Variants in LMNA observed in about 807,000 individuals in gnomAD.
LMNA encodes the protein lamin A/C, also known as lamin.
A neutral mutation model predicts 70.4 loss-of-function variants in LMNA; 20 were observed. The observed-to-expected ratio is 0.28, with a 90% CI of 0.20 to 0.41. The LOEUF is 0.41. Among genes scored for constraint, LMNA ranks in the 10% least tolerant of loss-of-function variants. The pLI, the probability that LMNA is intolerant of heterozygous loss-of-function variation, is 1.00. For synonymous variants in LMNA, 339 were observed against 372.8 expected (o/e 0.91, Z 1.04); for missense variants, 652 against 917.2 (o/e 0.71, Z 3.73).
Position 156,137,188 on chromosome 1 carries a change from T to C in LMNA, c.1564T>C (p.Cys522Arg), listed in dbSNP as rs1572366516. 1.9e-6 allele frequency: 3 copies of C among 1,608,208 alleles called. No individual in the cohort carries two copies. Among genetic ancestry groups the C allele is most frequent in the Non-Finnish European group, 2.5e-6 (3 of 1,177,800 alleles). The change falls in exon 9 of 12, where the codon TGC (cysteine) becomes CGC (arginine). Residue 522 changes from cysteine to arginine, a missense_variant. This residue lies in a region of LMNA where 327 missense variants were observed against 387.6 expected (regional missense o/e 0.84). Transcript: ENST00000368300. This position sits in a 1 kb window ranked among gnomAD's most constrained non-coding sequence, Gnocchi z 4.6. ...LVWKAQNTWGCGNSLRTALIN... is the reference protein window; with the variant it reads ...LVWKAQNTWGRGNSLRTALIN... ...GTGGAAGGCACAGAACACCTGGGGC[T>C]GCGGGAACAGCCTGCGTACGGCTCT...
In LMNA at chr1:156,134,824, G is replaced by A. The variant is rs780066296; in HGVS notation, c.659G>A (p.Arg220His). The change falls in exon 4 of 12, where the codon CGC (arginine) becomes CAC (histidine). Residue 220 changes from arginine (R) to histidine (H), a missense_variant. By Grantham distance (29) the Arg-to-His change is conservative. Transcript: ENST00000368300. The surrounding 1 kb of genome is among the most constrained non-coding windows in gnomAD (Gnocchi z 5.3). ...TTCCAGGAGCTGCGTGAGACCAAGC[G>A]CCGTCATGAGACCCGACTGGTGGAG... ...IYSEELRETK[R>H]RHETRLVEID... is the part of the protein sequence containing the mutation. The A allele has an allele frequency of 1.1e-5, 17 of 1,614,206 alleles. No homozygotes were observed. The highest frequency in any genetic ancestry group is 1.6e-4 in the Middle Eastern group (1 of 6,062).
In LMNA at chr1:156,140,070, T is replaced by C; in HGVS notation, c.*964T>C. The C allele has an allele frequency of 2.2e-6, 1 of 463,182 alleles. No individual in the cohort carries two copies. The highest frequency in any genetic ancestry group is 3.9e-6 in the Non-Finnish European group (1 of 259,242). The allele number at this position is 463,182 out of a possible 1,614,324, so 28.7% of individuals were successfully genotyped here. On this transcript the variant is annotated 3_prime_UTR_variant, in exon 12 of 12. Transcript: ENST00000368300. The stretch of plus-strand genomic sequence containing the variant: ...TTCTCTCCTCCCCAAATCAATACAC[T>C]AGTTGTTTCTACCCCTGGCTGCTGT...
chr1:156,134,336 T>C lies in LMNA; in HGVS notation c.514-67T>C. 1 of 1,584,066 alleles carries C rather than the reference T, an allele frequency of 6.3e-7. No homozygotes were observed. Among genetic ancestry groups the C allele is most frequent in the East Asian group, 2.3e-5 (1 of 44,140 alleles). On this transcript the variant is annotated intron_variant, in intron 2 of 11. Coordinates refer to ENST00000368300, the MANE Select transcript of LMNA (RefSeq NM_170707.4). The surrounding 1 kb of genome is among the most constrained non-coding windows in gnomAD (Gnocchi z 5.3). ...AGGGGTGCACAGGCAGCAGCCCACC[T>C]CTCAGCTTCCTTCCAGTTCTTGTGT...
chr1:156,129,530 G>A (rs928866953), intron 1 of LMNA, among the ~76,000 whole-genome samples: 1 of 152,096 alleles, frequency 6.6e-6, no homozygotes, highest in Non-Finnish European at 1.5e-5. Flanking sequence ...TTTTCCATCT[G>A]CTGTGGTGGG....
intron 3 of LMNA, among the ~76,000 whole-genome samples, chr1:156,107,912 C>T (rs941206982): frequency 1.3e-5 from 2 of 151,562 alleles, no homozygotes; most frequent in Non-Finnish European, 2.9e-5. Flanking sequence ...ATTACAGGTG[C>T]ATGCCACCAC....
chr1:156,139,242 A>ATT lies in LMNA; in HGVS notation c.*144_*145dup. On this transcript the variant is annotated 3_prime_UTR_variant, in exon 12 of 12. Transcript: ENST00000368300. The stretch of plus-strand genomic sequence containing the variant: ...TAACCCTTTGGTTTTTTTCTTCTGT[A>ATT]TTTTTTTTTCTAAGAGAAGTTATTT... The ATT allele has an allele frequency of 1.4e-6, 2 of 1,441,848 alleles. No homozygotes were observed. The highest frequency in any genetic ancestry group is 1.8e-6 in the Non-Finnish European group (2 of 1,102,004). 89.3% of individuals were successfully genotyped at this position (1,441,848 alleles called of 1,614,324 possible). A position where few individuals can be genotyped will look rare whatever the true frequency, so the allele number is the denominator to read the frequency against.
Position 156,136,791 on chromosome 1 carries a change from G to C in LMNA, c.1381-130G>C. On this transcript the variant is annotated intron_variant, in intron 7 of 11. Transcript: ENST00000368300. This position sits in a 1 kb window ranked among gnomAD's most constrained non-coding sequence, Gnocchi z 6.1. ...CTATTATCCCCGGGGGAAGGGCAGT[G>C]ACAGGGGTGTGTGTAGATGGAAGGA... The C allele has an allele frequency of 2.6e-6, 2 of 782,228 alleles. No individual in the cohort carries two copies. 48.5% of individuals were successfully genotyped at this position (782,228 alleles called of 1,614,324 possible).
intron 3 of LMNA, among the ~76,000 whole-genome samples, chr1:156,091,559 G>A (rs545755272): frequency 3.4e-4 from 52 of 152,166 alleles, no homozygotes; most frequent in African/African-American, 1.1e-3. Flanking sequence ...CCAAGATCGC[G>A]CCACTGCACT....
chr1:156,095,595 G>A (rs1308227364), intron 3 of LMNA, among the ~76,000 whole-genome samples: 2 of 151,448 alleles, frequency 1.3e-5, no homozygotes, highest in African/African-American at 4.9e-5. Flanking sequence ...GACCTCAGGT[G>A]ATCCACCCGC....
chr1:156,126,423 A>G, intron 1 of LMNA: 1 of 622,162 alleles, frequency 1.6e-6, no homozygotes, highest in Non-Finnish European at 2.9e-6. Context: ...CCGGGCCCAA[A>G]CAGGCCTGTG....
chr1:156,096,345 C>T (rs897954594), intron 3 of LMNA, among the ~76,000 whole-genome samples: 6 of 152,218 alleles, frequency 3.9e-5, no homozygotes, highest in South Asian at 4.1e-4. Flanking sequence ...CATCTCTGAA[C>T]CTGTTTTCCC....
Position 156,138,630 on chromosome 1 carries a change from G to A in LMNA, c.1841G>A (p.Gly614Asp). The A allele has an allele frequency of 6.2e-7, 1 of 1,613,324 alleles. No individual in the cohort carries two copies. Among genetic ancestry groups the A allele is most frequent in the Non-Finnish European group, 8.5e-7 (1 of 1,179,890 alleles). Residue 614 changes from glycine to aspartate, a missense_variant, in exon 11 of 12, where the codon GGC becomes GAC. By Grantham distance (94) the Gly-to-Asp change is moderately conservative (BLOSUM62 -1). Transcript: ENST00000368300. The surrounding 1 kb of genome is among the most constrained non-coding windows in gnomAD (Gnocchi z 5.5). ...CAGGTGGGCGGACCCATCTCCTCTG[G>A]CTCTTCTGCCTCCAGTGTCACGGTC... ...GAQVGGPISS[G>D]SSASSVTVTR...
At position 156,136,316 on chromosome 1, in the gene LMNA, A is replaced by G. The variant is rs1651624482; in HGVS notation, c.1260A>G (p.Lys420=). 1.2e-6 allele frequency: 2 copies of G among 1,612,034 alleles called. No homozygotes were observed. Among genetic ancestry groups the G allele is most frequent in the African/African-American group, 1.3e-5 (1 of 74,862 alleles). Reference sequence around the variant, plus strand: ...GGGGCAGCGTCACCAAAAAGCGCAAACTGGAGTCCACTGAGAGCCGCAGCA... The same window carrying G: ...GGGGCAGCGTCACCAAAAAGCGCAAGCTGGAGTCCACTGAGAGCCGCAGCA... The part of the protein sequence containing the change: ...QGGGSVTKKR[K]LESTESRSSF... The change falls in exon 7 of 12, where the codon AAA becomes AAG. Residue 420 remains lysine (K), a synonymous_variant. Coordinates refer to ENST00000368300, the MANE Select transcript of LMNA (RefSeq NM_170707.4). This position sits in a 1 kb window ranked among gnomAD's most constrained non-coding sequence, Gnocchi z 6.1.
At chr1:156,110,869 T>C (rs906758102), upstream of LMNA, among the ~76,000 whole-genome samples, 26 of 151,682 alleles carry the variant, frequency 1.7e-4, no homozygotes, top group African/African-American at 6.3e-4. Context: ...CCAGCAACCC[T>C]TGAGGCTGAG....
chr1:156,107,725 G>C (rs1465695684), intron 3 of LMNA, among the ~76,000 whole-genome samples: 1 of 152,154 alleles, frequency 6.6e-6, no homozygotes, highest in Non-Finnish European at 1.5e-5. Flanking sequence ...CCCCCTTGCT[G>C]AGCCTGAGAA....
chr1:156,084,327 T>TTGGGGGG (rs1558104047), intron 2 of LMNA, among the ~76,000 whole-genome samples: 1 of 5,768 alleles, frequency 1.7e-4, no homozygotes, highest in Non-Finnish European at 3.1e-4. Flanking sequence ...TCTCAGAAGG[T>TTGGGGGG]CGGGGGGTGG....
At chr1:156,106,796 C>T (rs1649368143) in intron 3 of LMNA, 1 of 152,236 alleles carries the variant, frequency 6.6e-6, no homozygotes, top group African/African-American at 2.4e-5. Context: ...GCCTGCTGCC[C>T]GATTTCTATT....
chr1:156,130,724 A>C lies in LMNA; in HGVS notation c.464A>C (p.Lys155Thr), dbSNP rs775448051. The C allele has an allele frequency of 6.2e-7, 1 of 1,611,268 alleles. No homozygotes were observed. The highest frequency in any genetic ancestry group is 1.1e-5 in the South Asian group (1 of 90,680). The change falls in exon 2 of 12, where the codon AAG becomes ACG. Residue 155 changes from lysine to threonine, a missense_variant. Lys to Thr is a moderately conservative substitution (Grantham distance 78). This residue lies in a region of LMNA where 254 missense variants were observed against 421.9 expected (regional missense o/e 0.60). Transcript: ENST00000368300. The part of the protein sequence containing the change: ...EAALSTALSE[K>T]RTLEGELHDL... ...GCACTGAGCACTGCTCTCAGTGAGA[A>C]GCGCACGCTGGAGGGCGAGCTGCAT...
intron 3 of LMNA, among the ~76,000 whole-genome samples, chr1:156,093,032 A>T (rs1648770326): frequency 1.3e-5 from 2 of 150,888 alleles, no homozygotes; most frequent in African/African-American, 4.9e-5. Context: ...AGGATTACAG[A>T]TGCCTGCCAC....
Sources: gnomAD v4.1 joint callset for allele counts (sites outside exome capture counted in the v4.1 genomes callset) on GRCh38, gnomAD v4.1.1 for gene constraint, gnomAD v4.1.1 regional missense constraint, Gnocchi (gnomAD v3.1) non-coding constraint, MANE v1.5 for transcripts, NCBI Gene and HGNC (gene_info 2026-07-23, HGNC 2026-07-21) for gene names.